Variants in DYNAP observed in about 807,000 individuals in gnomAD.
DYNAP encodes dynactin associated protein, also known as dynactin-associated protein.
In DYNAP, 7 loss-of-function variants were observed where a neutral mutation model predicts 8.5. The observed-to-expected ratio is 0.82, with a 90% confidence interval of 0.47 to 1.54. DYNAP has a LOEUF of 1.54. Among genes scored for constraint, DYNAP ranks in the 40% most tolerant of loss-of-function variants. The pLI is 0.01. For synonymous variants in DYNAP, 77 were observed against 77.9 expected (o/e 0.99, Z 0.06); for missense variants, 256 against 224.3 (o/e 1.14, Z -0.90).
At chr18:54,585,310 CAA>C (rs1008353131), upstream of DYNAP, among the ~76,000 whole-genome samples, 1 of 152,044 alleles carries the variant, frequency 6.6e-6, no homozygotes, top group African/African-American at 2.4e-5. Context: ...TTTCTTGCTC[CAA>C]AGACTATTGT....
chr18:54,576,420 A>T, the DYNAP span, among the ~76,000 whole-genome samples: 1 of 152,130 alleles, frequency 6.6e-6, no homozygotes. Flanking sequence ...TCAATCTTTT[A>T]ATTTTCATCT....
the DYNAP span, among the ~76,000 whole-genome samples, chr18:54,576,547 T>G: frequency 4.6e-5 from 7 of 151,930 alleles, no homozygotes; most frequent in Admixed American, 2.6e-4. Flanking sequence ...ACCTGTAATC[T>G]CAACACTTCG....
At chr18:54,575,637 C>T in the DYNAP span, among the ~76,000 whole-genome samples, 15 of 152,142 alleles carry the variant, frequency 9.9e-5, no homozygotes, top group African/African-American at 3.6e-4. Context: ...GGGGGTCTCA[C>T]GATGTTGCCC....
chr18:54,586,579 T>A (rs1169082673), upstream of DYNAP, among the ~76,000 whole-genome samples: 1 of 152,178 alleles, frequency 6.6e-6, no homozygotes, highest in East Asian at 1.9e-4. Context: ...AGTTGTATGA[T>A]CTTGACAGTG....
At chr18:54,579,645 A>G in the DYNAP span, among the ~76,000 whole-genome samples, 1 of 152,332 alleles carries the variant, frequency 6.6e-6, no homozygotes, top group Non-Finnish European at 1.5e-5. Flanking sequence ...TTGCTCAATA[A>G]GTATATTTGT....
chr18:54,591,053 A>C (rs1489306609), upstream of DYNAP: 4 of 655,388 alleles, frequency 6.1e-6, no homozygotes, highest in Non-Finnish European at 9.5e-6. Flanking sequence ...AAGCTTTCAG[A>C]GGAAGTACTG....
chr18:54,592,270 C>G (rs940299471), intron 1 of DYNAP, among the ~76,000 whole-genome samples: 3 of 150,166 alleles, frequency 2.0e-5, no homozygotes, highest in Non-Finnish European at 4.4e-5. Context: ...TTCAGATACT[C>G]AGATGGAAAA....
the DYNAP span, among the ~76,000 whole-genome samples, chr18:54,577,441 C>A: frequency 6.6e-6 from 1 of 151,854 alleles, no homozygotes; most frequent in Admixed American, 6.6e-5. Context: ...ATTAGCAGGG[C>A]ATGGTGGCAC....
At position 54,595,096 on chromosome 18, in the gene DYNAP, A is replaced by G. The variant is rs780405390; in HGVS notation, c.215A>G (p.Asn72Ser). Residue 72 changes from asparagine to serine, a missense_variant, in exon 2 of 3, where the codon AAC (asparagine) becomes AGC (serine). Asn to Ser is a conservative substitution (Grantham distance 46). Coordinates refer to ENST00000648945, the MANE Select transcript of DYNAP (RefSeq NM_173629.3). Reference protein sequence around the residue: ...HSRCLQSESCNTQVKEYCRND... With the variant: ...HSRCLQSESCSTQVKEYCRND... ...AGATGTCTACAGTCAGAATCCTGTA[A>G]CACACAGGTAATGTGTAGCACGGGA... 1.2e-6 allele frequency: 2 copies of G among 1,611,402 alleles called. No individual in the cohort carries two copies. Among genetic ancestry groups the G allele is most frequent in the African/African-American group, 2.7e-5 (2 of 74,924 alleles).
At chr18:54,592,934 T>C (rs558054292) in intron 1 of DYNAP, among the ~76,000 whole-genome samples, 1 of 152,130 alleles carries the variant, frequency 6.6e-6, no homozygotes, top group Admixed American at 6.6e-5. Context: ...GCAAAGGCAT[T>C]AAAATGTTCA....
At chr18:54,591,771 A>T (rs1370453362) in intron 1 of DYNAP, among the ~76,000 whole-genome samples, 1 of 152,154 alleles carries the variant, frequency 6.6e-6, no homozygotes, top group Admixed American at 6.6e-5. Flanking sequence ...AGATATTAAT[A>T]TTCCTAAGAA....
rs1911067266 is a variant in DYNAP at position 54,591,321 on chromosome 18, G to A, written c.39G>A (p.Glu13=). 1 of 1,608,250 alleles carries A rather than the reference G, an allele frequency of 6.2e-7. No homozygotes were observed. The highest frequency in any genetic ancestry group is 8.5e-7 in the Non-Finnish European group (1 of 1,176,986). Residue 13 remains glutamate, a synonymous_variant, in exon 1 of 3, where the codon GAG becomes GAA. Transcript: ENST00000648945. ...ATGGAAAATACATATTGAACGTTGA[G>A]CACTCTGAAAACCAGCCGGTGAGTG... ...RKHGKYILNV[E]HSENQPPITH...
chr18:54,595,970 T>G (rs1185081277), intron 2 of DYNAP, among the ~76,000 whole-genome samples: 1 of 152,138 alleles, frequency 6.6e-6, no homozygotes, highest in East Asian at 1.9e-4. Flanking sequence ...TAGAAAATGT[T>G]TCTTCTTGTT....
At chr18:54,593,933 C>CAACAA (rs1264400054) in intron 1 of DYNAP, among the ~76,000 whole-genome samples, 1 of 151,942 alleles carries the variant, frequency 6.6e-6, no homozygotes, top group Admixed American at 6.6e-5. Context: ...GATCCCATCT[C>CAACAA]AACAAAACAA....
At chr18:54,597,349 T>C (rs559592885) in intron 2 of DYNAP, among the ~76,000 whole-genome samples, 3 of 152,172 alleles carry the variant, frequency 2.0e-5, no homozygotes, top group South Asian at 4.1e-4. Context: ...TCCAAACCCA[T>C]AGAGTGTACA....
chr18:54,587,947 T>C (rs553646163), upstream of DYNAP: 6 of 399,918 alleles, frequency 1.5e-5, no homozygotes, highest in African/African-American at 4.1e-5. Context: ...AGTTGTTATA[T>C]ATTTATCATT....
chr18:54,580,079 A>T, the DYNAP span, among the ~76,000 whole-genome samples: 4 of 152,246 alleles, frequency 2.6e-5, no homozygotes, highest in East Asian at 7.7e-4. Flanking sequence ...ATAACTTTTC[A>T]GTAAATATAC....
rs149827426 is a variant in DYNAP at position 54,598,095 on chromosome 18, G to A, written c.505G>A (p.Ala169Thr). ...ATCTACAACTTCAACAGCTACAGCT[G>A]CCACCACTTCCACAGAACCTATAAC... ...TESTTSTATA[A>T]TTSTEPITVA... Residue 169 changes from alanine (A) to threonine (T), a missense_variant, in exon 3 of 3, where the codon GCC (alanine) becomes ACC (threonine). Transcript: ENST00000648945. 6.0e-5 allele frequency: 96 copies of A among 1,613,036 alleles called. No homozygotes were observed. Among genetic ancestry groups the A allele is most frequent in the Admixed American group, 5.0e-4 (30 of 59,898 alleles).
chr18:54,592,371 G>GT lies in DYNAP; in HGVS notation c.57+1041dup, dbSNP rs200699318. On this transcript the variant is annotated intron_variant, in intron 1 of 2. Coordinates refer to ENST00000648945, the MANE Select transcript of DYNAP (RefSeq NM_173629.3). ...ATGTTTACAAATATTAGCTTATATTGTTTTTTTTTACAGCATATATCTGGA... is the reference window on the plus strand; with the variant it reads ...ATGTTTACAAATATTAGCTTATATTGTTTTTTTTTTACAGCATATATCTGGA... 4.2e-3 allele frequency among the ~76,000 whole-genome samples: 632 copies of GT among 150,298 alleles called. 5 individuals are homozygous for GT. Among genetic ancestry groups the GT allele is most frequent in the African/African-American group, 0.013 (523 of 41,010 alleles).
Sources: gnomAD v4.1 joint callset for allele counts (sites outside exome capture counted in the v4.1 genomes callset) on GRCh38, gnomAD v4.1.1 for gene constraint, MANE v1.5 for transcripts, NCBI Gene and HGNC (gene_info 2026-07-23, HGNC 2026-07-21) for gene names.